SIRT4: variants seen among roughly 807,000 people sequenced by gnomAD.
SIRT4 encodes NAD-dependent protein lipoamidase sirtuin-4, mitochondrial.
A neutral mutation model predicts 26.1 loss-of-function variants in SIRT4; 23 were observed. The observed-to-expected ratio is 0.88, with a 90% CI of 0.63 to 1.25. SIRT4 has a LOEUF of 1.25. Ranked by LOEUF, SIRT4 falls within the 50% of genes most tolerant of loss-of-function variation. SIRT4 has a pLI of 0.00. For missense variants in SIRT4, 361 were observed against 405.4 expected (o/e 0.89, Z 0.94); for synonymous variants, 155 against 158.4 (o/e 0.98, Z 0.16).
At chr12:120,306,213 C>T (rs1267744904) in intron 2 of SIRT4, among the ~76,000 whole-genome samples, 8 of 151,920 alleles carry the variant, frequency 5.3e-5, no homozygotes, top group African/African-American at 1.2e-4. Flanking sequence ...CGGTGGCTCG[C>T]GCCTGTAATC....
chr12:120,303,054 C>T (rs1164407363), intron 1 of SIRT4, among the ~76,000 whole-genome samples: 1 of 151,888 alleles, frequency 6.6e-6, no homozygotes, highest in Non-Finnish European at 1.5e-5. Flanking sequence ...AGCTGACGGG[C>T]AGGGGTCTTG....
intron 2 of SIRT4, among the ~76,000 whole-genome samples, chr12:120,306,167 C>CA (rs35616529): frequency 6.6e-6 from 1 of 151,796 alleles, no homozygotes; most frequent in African/African-American, 2.4e-5. Flanking sequence ...TCCGTCTCTA[C>CA]AAAAAATTTT....
upstream of SIRT4, among the ~76,000 whole-genome samples, chr12:120,297,789 G>C (rs891263715): frequency 5.9e-5 from 9 of 152,080 alleles, no homozygotes; most frequent in Admixed American, 1.3e-4. Flanking sequence ...TTGGTGAATG[G>C]GGAAGGAGAA....
upstream of SIRT4, among the ~76,000 whole-genome samples, chr12:120,300,442 TTTA>T (rs757065139): frequency 1.4e-4 from 21 of 152,132 alleles, no homozygotes; most frequent in Non-Finnish European, 2.8e-4. Context: ...TTCATCTTTA[TTTA>T]TTATTATTAT....
At chr12:120,307,336 A>G (rs983573250) in intron 2 of SIRT4, among the ~76,000 whole-genome samples, 2 of 152,074 alleles carry the variant, frequency 1.3e-5, no homozygotes, top group African/African-American at 2.4e-5. Context: ...CTAAAAATAA[A>G]AGATTGGCCA....
the SIRT4 span, among the ~76,000 whole-genome samples, chr12:120,292,870 C>T: frequency 2.0e-5 from 3 of 152,194 alleles, no homozygotes; most frequent in African/African-American, 7.2e-5. Flanking sequence ...CAACACCGCC[C>T]TGCTTTTACC....
the SIRT4 span, chr12:120,293,089 A>T: frequency 6.6e-6 from 1 of 152,112 alleles, no homozygotes; most frequent in Non-Finnish European, 1.5e-5. Flanking sequence ...AACTGCAAGA[A>T]AATTCAGTCT....
chr12:120,303,607 T>C lies in SIRT4; in HGVS notation c.46T>C (p.Trp16Arg). ...ALTFRSAKGR[W>R]IANPSQPCSK... is the part of the protein sequence containing the mutation. ...GACTTTCAGGTCAGCAAAAGGCCGT[T>C]GGATCGCAAACCCCAGCCAGCCGTG... is the stretch of plus-strand genomic sequence containing the variant. Residue 16 changes from tryptophan to arginine, a missense_variant, in exon 2 of 4, where the codon TGG (tryptophan) becomes CGG (arginine). Trp to Arg is a moderately radical substitution (Grantham distance 101, BLOSUM62 -3). Transcript: ENST00000202967. The C allele has an allele frequency of 6.2e-7, 1 of 1,614,068 alleles. No homozygotes were observed. The highest frequency in any genetic ancestry group is 8.5e-7 in the Non-Finnish European group (1 of 1,180,022).
chr12:120,293,471 A>C, the SIRT4 span, among the ~76,000 whole-genome samples: 2 of 152,174 alleles, frequency 1.3e-5, no homozygotes, highest in Non-Finnish European at 2.9e-5. Context: ...TAATAGACTT[A>C]ATTCAGAGAC....
At chr12:120,302,888 T>G (rs1225947885) in intron 1 of SIRT4, among the ~76,000 whole-genome samples, 1 of 151,224 alleles carries the variant, frequency 6.6e-6, no homozygotes, top group African/African-American at 2.4e-5. Context: ...CCCGGCTAAT[T>G]TTTTTTGTAT....
At chr12:120,302,052 C>A (rs1419415964), upstream of SIRT4, among the ~76,000 whole-genome samples, 3 of 143,052 alleles carry the variant, frequency 2.1e-5, no homozygotes, top group African/African-American at 5.3e-5. Flanking sequence ...AAAACAACAA[C>A]TCCGTCTTAA....
At chr12:120,302,043 AAAC>A (rs565436119), upstream of SIRT4, among the ~76,000 whole-genome samples, 321 of 151,912 alleles carry the variant, frequency 2.1e-3, 3 homozygotes, top group Non-Finnish European at 3.5e-3. Context: ...CAAAAAAAAA[AAAC>A]AACAACTCCG....
chr12:120,292,067 T>C, the SIRT4 span, among the ~76,000 whole-genome samples: 2 of 152,194 alleles, frequency 1.3e-5, no homozygotes, highest in African/African-American at 4.8e-5. Flanking sequence ...ACATCCCGTG[T>C]CAAACATTCA....
chr12:120,292,166 CTT>C, the SIRT4 span, among the ~76,000 whole-genome samples: 84 of 152,304 alleles, frequency 5.5e-4, no homozygotes, highest in East Asian at 0.014. Flanking sequence ...TCGGTTGAGA[CTT>C]GAATTTTGAG....
the SIRT4 span, chr12:120,291,812 G>T: frequency 6.6e-6 from 1 of 152,224 alleles, no homozygotes; most frequent in Admixed American, 6.6e-5. Context: ...ATTTCAAGTC[G>T]TCATGGCGGG....
At chr12:120,295,746 A>T in the SIRT4 span, among the ~76,000 whole-genome samples, 5 of 151,802 alleles carry the variant, frequency 3.3e-5, no homozygotes, top group East Asian at 9.7e-4. Flanking sequence ...TTCCTTCAGG[A>T]TGTAGAAAGC....
the SIRT4 span, among the ~76,000 whole-genome samples, chr12:120,296,049 T>C: frequency 8.3e-6 from 1 of 120,910 alleles, no homozygotes; most frequent in Non-Finnish European, 1.6e-5. Flanking sequence ...ATCATGCCAC[T>C]GTAATCCAGC....
chr12:120,292,945 A>G, the SIRT4 span, among the ~76,000 whole-genome samples: 6 of 152,326 alleles, frequency 3.9e-5, no homozygotes, highest in African/African-American at 1.4e-4. Flanking sequence ...TAAAACAGGT[A>G]AACTTGCAGG....
At chr12:120,304,803 TTATA>T (rs1254801981) in intron 2 of SIRT4, among the ~76,000 whole-genome samples, 80 of 60,400 alleles carry the variant, frequency 1.3e-3, no homozygotes, top group Non-Finnish European at 1.7e-3. Context: ...AAAGTAAATT[TTATA>T]TATATATATA....
Sources: allele counts gnomAD v4.1 joint callset (sites outside exome capture counted in the v4.1 genomes callset), GRCh38; gene constraint gnomAD v4.1.1; transcripts MANE v1.5; gene names NCBI Gene and HGNC (gene_info 2026-07-23, HGNC 2026-07-21).